Variants in SLC38A10 observed in about 807,000 individuals in gnomAD.
SLC38A10 encodes Sodium-coupled neutral amino acid transporter 10.
In SLC38A10, 53 loss-of-function variants were observed where a neutral mutation model predicts 81.0. That is an observed-to-expected ratio of 0.65 (90% CI 0.53 to 0.82). SLC38A10 has a LOEUF of 0.82. Among genes scored for constraint, SLC38A10 ranks in the 40% least tolerant of loss-of-function variants. The pLI is 0.00. For missense variants in SLC38A10, 1,471 were observed against 1,545.0 expected (o/e 0.95, Z 0.80); for synonymous variants, 665 against 655.3 (o/e 1.01, Z -0.23).
In SLC38A10 at chr17:81,272,628, C is replaced by A; in HGVS notation, c.913-1G>T. The stretch of plus-strand genomic sequence containing the variant: ...CTGCTGCAAAGGTGCCATCTTTTTG[C>A]TGTACAAAAGAAAAACAAAAGGTTT... On this transcript the variant is annotated splice_acceptor_variant, in intron 8 of 15. Coordinates refer to ENST00000374759, the MANE Select transcript of SLC38A10 (RefSeq NM_001037984.3). LOFTEE classifies it high-confidence loss of function. 1 of 1,541,366 alleles carries A rather than the reference C, an allele frequency of 6.5e-7. No homozygotes were observed. The highest frequency in any genetic ancestry group is 2.4e-5 in the East Asian group (1 of 40,888).
rs1467690617 is a variant in SLC38A10, at chr17:81,272,506, C to T, written c.1024+10G>A. 2 of 1,578,028 alleles carry T rather than the reference C, an allele frequency of 1.3e-6. No homozygotes were observed. Among genetic ancestry groups the T allele is most frequent in the South Asian group, 1.2e-5 (1 of 86,094 alleles). On this transcript the variant is annotated intron_variant, in intron 9 of 15. Coordinates refer to ENST00000374759, the MANE Select transcript of SLC38A10 (RefSeq NM_001037984.3). ...CACTCCCCGGCAACAGGGCAGCCCT[C>T]CCGCCTTACCGTTGGGGATAAGGAT... is the stretch of plus-strand genomic sequence containing the variant.
In SLC38A10 at chr17:81,270,686, A is replaced by C. The variant is rs868061162; in HGVS notation, c.1131+232T>G. 6.6e-6 allele frequency among the ~76,000 whole-genome samples: 1 copy of C among 152,326 alleles called. No individual in the cohort carries two copies. Among genetic ancestry groups the C allele is most frequent in the Middle Eastern group, 3.4e-3 (1 of 294 alleles). ...CGACTCAGCTAAGTCGGCTCTCAGG[A>C]AAACCCGATGCACAGCTTGAGCAGC... On this transcript the variant is annotated intron_variant, in intron 10 of 15. Transcript: ENST00000374759. This position sits in a 1 kb window ranked among gnomAD's most constrained non-coding sequence, Gnocchi z 4.0.
At chr17:81,247,300 G>T (rs1206374360) in intron 14 of SLC38A10, 6 of 403,294 alleles carry the variant, frequency 1.5e-5, no homozygotes, top group Non-Finnish European at 2.2e-5. Context: ...AGCCCACCCG[G>T]GATGGCCTCT....
rs1357565239 is a variant in SLC38A10 at position 81,277,167 on chromosome 17, G to C, written c.627-34C>G. 8 of 1,599,132 alleles carry C rather than the reference G, an allele frequency of 5.0e-6. No homozygotes were observed. Among genetic ancestry groups the C allele is most frequent in the Non-Finnish European group, 6.0e-6 (7 of 1,167,894 alleles). On this transcript the variant is annotated intron_variant, in intron 6 of 15. Transcript: ENST00000374759. The surrounding 1 kb of genome is among the most constrained non-coding windows in gnomAD (Gnocchi z 4.5). ...AAACAGGCCATTTCACAGCGGACCT[G>C]AGAGAGGCACGCCCTCCCCAGCGGC... is the stretch of plus-strand genomic sequence containing the variant.
intron 11 of SLC38A10, among the ~76,000 whole-genome samples, chr17:81,259,280 C>T (rs993448221): frequency 8.5e-5 from 13 of 152,372 alleles, no homozygotes; most frequent in African/African-American, 2.9e-4. Flanking sequence ...GCCGGCACTG[C>T]TCACTGGGGC....
intron 11 of SLC38A10, among the ~76,000 whole-genome samples, chr17:81,254,308 C>T (rs184560865): frequency 2.4e-4 from 37 of 152,302 alleles, no homozygotes; most frequent in Middle Eastern, 3.4e-3. Context: ...ATATGTTAGT[C>T]TAGGGAAACA....
In SLC38A10 at chr17:81,276,949, T is replaced by C. The variant is rs576224407; in HGVS notation, c.729+82A>G. On this transcript the variant is annotated intron_variant, in intron 7 of 15. Coordinates refer to ENST00000374759, the MANE Select transcript of SLC38A10 (RefSeq NM_001037984.3). This position sits in a 1 kb window ranked among gnomAD's most constrained non-coding sequence, Gnocchi z 4.7. Reference sequence around the variant, plus strand: ...CCAGCAGCACACAGGGCCAGGGCCATGCCTGTGGCAGTCCCACGGGGCACC... The same window carrying C: ...CCAGCAGCACACAGGGCCAGGGCCACGCCTGTGGCAGTCCCACGGGGCACC... 30 of 1,384,478 alleles carry C rather than the reference T, an allele frequency of 2.2e-5. No homozygotes were observed. In the East Asian group the frequency reaches 5.5e-4, roughly 26 times the overall value. 85.8% of individuals were successfully genotyped at this position (1,384,478 alleles called of 1,614,324 possible).
In SLC38A10 at chr17:81,289,360, A is replaced by AT. The variant is rs200025479; in HGVS notation, c.217+330dup. Among the ~76,000 whole-genome samples the AT allele has an allele frequency of 8.3e-3, 1,232 of 148,278 alleles. 9 individuals are homozygous for AT. The highest frequency in any genetic ancestry group is 0.013 in the Non-Finnish European group (860 of 66,986). ...CCCGGCAGGTTTTTTTTTTAACTGC[A>AT]TTTTTTTTTAATTTGATTTTTAATT... On this transcript the variant is annotated intron_variant, in intron 2 of 15. Coordinates refer to ENST00000374759, the MANE Select transcript of SLC38A10 (RefSeq NM_001037984.3). The surrounding 1 kb of genome is among the most constrained non-coding windows in gnomAD (Gnocchi z 5.9).
At chr17:81,256,179 G>T (rs1479434329) in intron 11 of SLC38A10, among the ~76,000 whole-genome samples, 1 of 152,256 alleles carries the variant, frequency 6.6e-6, no homozygotes, top group African/African-American at 2.4e-5. Context: ...CACGGCGGAG[G>T]CGGATCCCTC....
At chr17:81,264,961 G>A (rs2063057714) in intron 10 of SLC38A10, 1 of 152,300 alleles carries the variant, frequency 6.6e-6, no homozygotes. Flanking sequence ...TCTGTCCTCT[G>A]AGTGGCCCTC....
At chr17:81,255,545 G>A (rs2062964168) in intron 11 of SLC38A10, among the ~76,000 whole-genome samples, 1 of 152,198 alleles carries the variant, frequency 6.6e-6, no homozygotes, top group Non-Finnish European at 1.5e-5. Context: ...GGAGATCTCT[G>A]GCATCCGAAT....
At chr17:81,282,902 G>A (rs192528754) in intron 4 of SLC38A10, among the ~76,000 whole-genome samples, 1 of 152,296 alleles carries the variant, frequency 6.6e-6, no homozygotes, top group East Asian at 1.9e-4. Flanking sequence ...AACGTGCCGT[G>A]ATGCCTGCCC....
chr17:81,264,189 G>A (rs1027061176), intron 10 of SLC38A10: 11 of 152,276 alleles, frequency 7.2e-5, no homozygotes, highest in East Asian at 5.8e-4. Flanking sequence ...GGGAACTTGG[G>A]GGGCCTGTGG....
chr17:81,291,879 C>T (rs976123847), intron 1 of SLC38A10, among the ~76,000 whole-genome samples: 5 of 152,194 alleles, frequency 3.3e-5, no homozygotes, highest in African/African-American at 9.7e-5. Context: ...CCACCCACCT[C>T]AGTTCAAACC....
At position 81,276,423 on chromosome 17, in the gene SLC38A10, T is replaced by C. The variant is rs1333092696; in HGVS notation, c.730-272A>G. Among the ~76,000 whole-genome samples, 2 of 151,208 alleles carry C rather than the reference T, an allele frequency of 1.3e-5. No individual in the cohort carries two copies. The highest frequency in any genetic ancestry group is 3.0e-5 in the Non-Finnish European group (2 of 67,786). On this transcript the variant is annotated intron_variant, in intron 7 of 15. Coordinates refer to ENST00000374759, the MANE Select transcript of SLC38A10 (RefSeq NM_001037984.3). The surrounding 1 kb of genome is among the most constrained non-coding windows in gnomAD (Gnocchi z 4.7). ...TTTTTTGAGACGGGGTCTCCCTCTGTAGACCAGGCTGGAGTGCAGTGGTGC... is the reference window on the plus strand; with the variant it reads ...TTTTTTGAGACGGGGTCTCCCTCTGCAGACCAGGCTGGAGTGCAGTGGTGC...
At position 81,282,276 on chromosome 17, in the gene SLC38A10, G is replaced by C. The variant is rs747790716; in HGVS notation, c.414C>G (p.Leu138=). Residue 138 remains leucine (L), a synonymous_variant, in exon 5 of 16, where the codon CTC becomes CTG. Transcript: ENST00000374759. ...TCATGTTCCGCTGCAGGCTGAGCGG[G>C]AGCACGATGCACAGCGACACGGCGA... The part of the protein sequence containing the change: ...LLFAVSLCIV[L]PLSLQRNMMA... 1 of 1,613,540 alleles carries C rather than the reference G, an allele frequency of 6.2e-7. No homozygotes were observed. The highest frequency in any genetic ancestry group is 8.5e-7 in the Non-Finnish European group (1 of 1,180,026).
Position 81,270,810 on chromosome 17 carries a change from G to T in SLC38A10, c.1131+108C>A. On this transcript the variant is annotated intron_variant, in intron 10 of 15. Coordinates refer to ENST00000374759, the MANE Select transcript of SLC38A10 (RefSeq NM_001037984.3). The surrounding 1 kb of genome is among the most constrained non-coding windows in gnomAD (Gnocchi z 4.0). ...CCCTTTTGTGGGTTTTAAGTTTCTT[G>T]ATAGAACCCATCTGAAAACGCTGAA... The T allele has an allele frequency of 1.1e-6, 1 of 896,356 alleles. No individual in the cohort carries two copies. The highest frequency in any genetic ancestry group is 1.7e-6 in the Non-Finnish European group (1 of 575,134). 55.5% of individuals were successfully genotyped at this position (896,356 alleles called of 1,614,324 possible). A position where few individuals can be genotyped will look rare whatever the true frequency, so the allele number is the denominator to read the frequency against.
At chr17:81,274,601 G>A (rs1036970710) in intron 8 of SLC38A10, among the ~76,000 whole-genome samples, 3 of 152,236 alleles carry the variant, frequency 2.0e-5, no homozygotes, top group Non-Finnish European at 4.4e-5. Context: ...AGGGGAGGCA[G>A]GAGGGGAACC....
intron 8 of SLC38A10, among the ~76,000 whole-genome samples, chr17:81,273,135 A>G (rs1276662404): frequency 6.6e-6 from 1 of 152,214 alleles, no homozygotes; most frequent in Non-Finnish European, 1.5e-5. Flanking sequence ...AAGTCCAGGA[A>G]GAAGAAGAGA....
Sources: gnomAD v4.1 joint callset for allele counts (sites outside exome capture counted in the v4.1 genomes callset) on GRCh38, gnomAD v4.1.1 for gene constraint, Gnocchi (gnomAD v3.1) non-coding constraint, MANE v1.5 for transcripts, NCBI Gene and HGNC (gene_info 2026-07-23, HGNC 2026-07-21) for gene names.